Variants in PLCL1 observed in about 807,000 individuals in gnomAD.
The protein encoded by PLCL1 is phospholipase C like 1 (inactive).
In PLCL1, 41 loss-of-function variants were observed where a neutral mutation model predicts 84.4. The ratio of observed to expected loss-of-function variants is 0.49; its 90% CI spans 0.38 to 0.63. The LOEUF (loss-of-function observed/expected upper bound fraction) is 0.63, where lower values mean the gene tolerates loss of function less well. Among genes scored for constraint, PLCL1 ranks in the 30% least tolerant of loss-of-function variants. PLCL1 has a pLI of 0.00. For synonymous variants in PLCL1, 490 were observed against 488.3 expected, an observed-to-expected ratio of 1.00 and a Z score of -0.05; for missense variants, 1,206 against 1,367.8, an observed-to-expected ratio of 0.88 and a Z score of 1.87.
At chr2:198,061,922 A>G (rs1486292268) in intron 1 of PLCL1, among the ~76,000 whole-genome samples, 1 of 152,200 alleles carries the variant, frequency 6.6e-6, no homozygotes, top group Non-Finnish European at 1.5e-5. Flanking sequence ...AAGGGTCAAT[A>G]GGTACGTTGA....
At chr2:198,071,054 A>T (rs1692451352) in intron 1 of PLCL1, 1 of 790,916 alleles carries the variant, frequency 1.3e-6, no homozygotes, top group Non-Finnish European at 1.5e-6. Context: ...TCAAGCTCTC[A>T]TATTATACTA....
At position 197,899,087 on chromosome 2, in the gene PLCL1, C is replaced by T. The variant is rs556260546; in HGVS notation, c.240+93748C>T. Among the ~76,000 whole-genome samples, 23 of 152,218 alleles carry T rather than the reference C, an allele frequency of 1.5e-4. No homozygotes were observed. In the South Asian group the frequency reaches 4.8e-3, roughly 32 times the overall value. On this transcript the variant is annotated intron_variant, in intron 1 of 5. Transcript: ENST00000428675. Reference sequence around the variant, plus strand: ...TAGTATACAACTCAAGTACTGTTTTCCAGACACTGGGAATAGTGTTAAACA... The same window carrying T: ...TAGTATACAACTCAAGTACTGTTTTTCAGACACTGGGAATAGTGTTAAACA...
At chr2:197,889,841 T>C (rs2105724194) in intron 1 of PLCL1, among the ~76,000 whole-genome samples, 1 of 152,334 alleles carries the variant, frequency 6.6e-6, no homozygotes, top group East Asian at 1.9e-4. Context: ...TATTTTTCTT[T>C]AAGCTATCTT....
intron 1 of PLCL1, among the ~76,000 whole-genome samples, chr2:197,826,034 A>G (rs560320983): frequency 6.6e-6 from 1 of 152,288 alleles, no homozygotes; most frequent in East Asian, 1.9e-4. Context: ...GACAGGGTCT[A>G]TATACTTTCC....
Position 198,056,123 on chromosome 2 carries a change from T to C in PLCL1, c.241-27635T>C, listed in dbSNP as rs143804635. ...TTAAAATTAAAAGCATTCAAAGAAGTGGAGAAAATTATTATAGACAACAAC... is the reference window on the plus strand; with the variant it reads ...TTAAAATTAAAAGCATTCAAAGAAGCGGAGAAAATTATTATAGACAACAAC... On this transcript the variant is annotated intron_variant, in intron 1 of 5. Coordinates refer to ENST00000428675, the MANE Select transcript of PLCL1 (RefSeq NM_006226.4). 2.5e-4 allele frequency among the ~76,000 whole-genome samples: 38 copies of C among 152,302 alleles called. No individual in the cohort carries two copies. In the East Asian group the frequency reaches 5.2e-3, roughly 21 times the overall value.
chr2:197,928,235 T>G (rs1688869686), intron 1 of PLCL1, among the ~76,000 whole-genome samples: 1 of 152,174 alleles, frequency 6.6e-6, no homozygotes, highest in Non-Finnish European at 1.5e-5. Flanking sequence ...GACAAGAAAT[T>G]TCTTCCAATT....
chr2:197,924,039 C>G (rs1007674363), intron 1 of PLCL1, among the ~76,000 whole-genome samples: 14 of 148,076 alleles, frequency 9.5e-5, no homozygotes, highest in African/African-American at 2.0e-4. Context: ...CGCAGGCACT[C>G]GGCAGGCTGA....
At chr2:198,010,712 AG>A (rs1690848659) in intron 1 of PLCL1, among the ~76,000 whole-genome samples, 2 of 151,656 alleles carry the variant, frequency 1.3e-5, no homozygotes, top group Admixed American at 1.3e-4. Flanking sequence ...GCAGAATTTG[AG>A]GAGGATTGGT....
chr2:198,059,243 C>G (rs1692134767), intron 1 of PLCL1, among the ~76,000 whole-genome samples: 1 of 152,116 alleles, frequency 6.6e-6, no homozygotes, highest in South Asian at 2.1e-4. Flanking sequence ...ACAACATGAC[C>G]TGACAAAATT....
chr2:198,144,782 T>C (rs1441880426), intron 5 of PLCL1, among the ~76,000 whole-genome samples: 2 of 152,168 alleles, frequency 1.3e-5, no homozygotes, highest in Non-Finnish European at 2.9e-5. Flanking sequence ...ACATGGGCAA[T>C]GCTTTTCTTT....
rs145428592 is a variant in PLCL1 at position 197,919,367 on chromosome 2, C to G, written c.240+114028C>G. On this transcript the variant is annotated intron_variant, in intron 1 of 5. Transcript: ENST00000428675. ...GACAATGTATAGTTTTGTACTGAAG[C>G]ACAAAGATTTTCTTACAGGGCATTT... Among the ~76,000 whole-genome samples, 7 of 152,258 alleles carry G rather than the reference C, an allele frequency of 4.6e-5. No homozygotes were observed. The South Asian group carries it at 1.0e-3, about 23-fold the overall frequency.
intron 1 of PLCL1, among the ~76,000 whole-genome samples, chr2:197,975,988 T>G (rs1236302227): frequency 6.6e-6 from 1 of 152,214 alleles, no homozygotes; most frequent in Non-Finnish European, 1.5e-5. Flanking sequence ...CACTCTAGGA[T>G]TCTATTACTT....
At chr2:198,031,956 A>G (rs866702052) in intron 1 of PLCL1, among the ~76,000 whole-genome samples, 11 of 152,270 alleles carry the variant, frequency 7.2e-5, no homozygotes, top group Admixed American at 2.0e-4. Flanking sequence ...ATGGGTACAT[A>G]TAGATTTTTG....
chr2:198,034,794 T>C (rs1287711169), intron 1 of PLCL1, among the ~76,000 whole-genome samples: 1 of 152,202 alleles, frequency 6.6e-6, no homozygotes, highest in Non-Finnish European at 1.5e-5. Context: ...TCACATGTTG[T>C]GTTGTGCTGT....
Position 198,084,913 on chromosome 2 carries a change from G to A in PLCL1, c.1396G>A (p.Val466Ile), listed in dbSNP as rs760234281. Residue 466 changes from valine (V) to isoleucine (I), a missense_variant, in exon 2 of 6, where the codon GTT (valine) becomes ATT (isoleucine). By Grantham distance (29) the Val-to-Ile change is conservative. Transcript: ENST00000428675. ...TAATCGAAATAACATGACAACCCATGTTTCCTTTCGAAGTGTCATAGAGGT... is the reference window on the plus strand; with the variant it reads ...TAATCGAAATAACATGACAACCCATATTTCCTTTCGAAGTGTCATAGAGGT... ...LCNRNNMTTHVSFRSVIEVIN... is the reference protein window; with the variant it reads ...LCNRNNMTTHISFRSVIEVIN... 3 of 1,613,950 alleles carry A rather than the reference G, an allele frequency of 1.9e-6. No homozygotes were observed. The highest frequency in any genetic ancestry group is 2.5e-6 in the Non-Finnish European group (3 of 1,179,926).
rs114086136 is a variant in PLCL1 at position 197,837,121 on chromosome 2, C to T, written c.240+31782C>T. On this transcript the variant is annotated intron_variant, in intron 1 of 5. Coordinates refer to ENST00000428675, the MANE Select transcript of PLCL1 (RefSeq NM_006226.4). ...TCCTTGGAAAGGGAGGCCACTTGTG[C>T]ATTAAAGTTTAAGGTTGCGGTTCAG... Among the ~76,000 whole-genome samples, 487 of 152,224 alleles carry T rather than the reference C, an allele frequency of 3.2e-3. 3 individuals carry two copies. Among genetic ancestry groups the T allele is most frequent in the African/African-American group, 0.011 (468 of 41,546 alleles).
intron 1 of PLCL1, among the ~76,000 whole-genome samples, chr2:198,015,895 TA>T (rs1379423514): frequency 1.3e-5 from 2 of 152,186 alleles, no homozygotes. Flanking sequence ...AATGATGCAT[TA>T]AAAAATATAT....
chr2:198,115,726 C>T (rs1380188133), intron 5 of PLCL1, among the ~76,000 whole-genome samples: 1 of 151,568 alleles, frequency 6.6e-6, no homozygotes, highest in African/African-American at 2.4e-5. Flanking sequence ...AGAGCTTGTG[C>T]AGTGGAACTC....
chr2:197,943,473 T>G (rs966993729), intron 1 of PLCL1, among the ~76,000 whole-genome samples: 1 of 152,126 alleles, frequency 6.6e-6, no homozygotes, highest in African/African-American at 2.4e-5. Context: ...GTTCTGGTAT[T>G]TACCTCCTCA....
Sources: allele counts gnomAD v4.1 joint callset (sites outside exome capture counted in the v4.1 genomes callset), GRCh38; gene constraint gnomAD v4.1.1; transcripts MANE v1.5; gene names NCBI Gene and HGNC (gene_info 2026-07-23, HGNC 2026-07-21).